Variants in GPR155 observed in about 807,000 individuals in gnomAD.
The protein encoded by GPR155 is lysosomal cholesterol signaling protein.
Under a neutral mutation model 93.1 loss-of-function variants are expected in GPR155, and 65 were observed. That is an observed-to-expected ratio of 0.70 (90% CI 0.57 to 0.86). The LOEUF is 0.86. GPR155 is among the 40% of genes least tolerant of loss of function. The probability of loss-of-function intolerance (pLI) is 0.00; values close to 1 mark genes in which losing one functional copy is unlikely to be tolerated. For synonymous variants in GPR155, 319 were observed against 360.1 expected (o/e 0.89, Z 1.29); for missense variants, 838 against 1,034.8 (o/e 0.81, Z 2.61).
At chr2:174,462,514 G>T (rs1366366835) in intron 7 of GPR155, among the ~76,000 whole-genome samples, 1 of 152,166 alleles carries the variant, frequency 6.6e-6, no homozygotes, top group African/African-American at 2.4e-5. Flanking sequence ...TCACCATGTT[G>T]CCCATGCTGG....
At chr2:174,447,129 G>A (rs1687155426) in intron 11 of GPR155, among the ~76,000 whole-genome samples, 1 of 151,606 alleles carries the variant, frequency 6.6e-6, no homozygotes, top group South Asian at 2.1e-4. Context: ...TTGAGATTAG[G>A]AGTTCAAGAC....
chr2:174,475,511 G>C (rs1197288809), intron 2 of GPR155, among the ~76,000 whole-genome samples: 3 of 151,340 alleles, frequency 2.0e-5, no homozygotes, highest in Non-Finnish European at 2.9e-5. Context: ...TTTTTTAACA[G>C]ATTCAATCCC....
At chr2:174,445,492 A>G in intron 12 of GPR155, 1 of 184,826 alleles carries the variant, frequency 5.4e-6, no homozygotes, top group Non-Finnish European at 1.1e-5. Context: ...ATTTAGTTCT[A>G]CACAATGAAA....
chr2:174,435,297 A>G lies in GPR155; in HGVS notation c.*819T>C, dbSNP rs1448967604. The G allele has an allele frequency of 6.6e-6, 1 of 152,166 alleles. No homozygotes were observed. The highest frequency in any genetic ancestry group is 1.5e-5 in the Non-Finnish European group (1 of 68,028). 9.4% of individuals were successfully genotyped at this position (152,166 alleles called of 1,614,324 possible). A position where few individuals can be genotyped will look rare whatever the true frequency, so the allele number is the denominator to read the frequency against. ...AACAATGGTTGCATCTGTAGTGAAC[A>G]TGTACAGACTGTTTTTCTTATTGTT... On this transcript the variant is annotated 3_prime_UTR_variant, in exon 16 of 16. Coordinates refer to ENST00000392552, the MANE Select transcript of GPR155 (RefSeq NM_152529.7).
chr2:174,442,931 C>A (rs1441640917), intron 13 of GPR155, among the ~76,000 whole-genome samples: 1 of 152,166 alleles, frequency 6.6e-6, no homozygotes, highest in African/African-American at 2.4e-5. Context: ...CTCCATTGAA[C>A]CACTTCGGCC....
chr2:174,453,166 C>T (rs973312568), intron 11 of GPR155, among the ~76,000 whole-genome samples: 1 of 152,220 alleles, frequency 6.6e-6, no homozygotes, highest in Non-Finnish European at 1.5e-5. Flanking sequence ...GGATTTGTCA[C>T]TTGGGTTAAA....
intron 11 of GPR155, among the ~76,000 whole-genome samples, chr2:174,448,523 GTTTT>G (rs200365350): frequency 9.7e-6 from 1 of 102,960 alleles, no homozygotes; most frequent in Non-Finnish European, 1.8e-5. Flanking sequence ...TTTGTTTTTT[GTTTT>G]TTGTTTTTTT....
chr2:174,452,618 G>A lies in GPR155; in HGVS notation c.1876+1119C>T, dbSNP rs528810413. 2.0e-5 allele frequency among the ~76,000 whole-genome samples: 3 copies of A among 152,050 alleles called. No homozygotes were observed. The South Asian group carries it at 6.2e-4, about 31-fold the overall frequency. On this transcript the variant is annotated intron_variant, in intron 11 of 15. Transcript: ENST00000392552. ...ATAATTTGAAATTTAGGCCACAAAT[G>A]TAATTCAGCCTCTTAGTCAAAAGGT...
chr2:174,441,917 ATT>A (rs34371550), intron 14 of GPR155, among the ~76,000 whole-genome samples, 200 bp downstream of exon 14: 2 of 146,598 alleles, frequency 1.4e-5, no homozygotes, highest in African/African-American at 2.5e-5. Flanking sequence ...TAATTTTTGT[ATT>A]TTTTTTTTTG....
chr2:174,463,657 C>T (rs1370142695), intron 7 of GPR155, among the ~76,000 whole-genome samples: 1 of 152,172 alleles, frequency 6.6e-6, no homozygotes, highest in East Asian at 1.9e-4. Context: ...GGCAAAAAAG[C>T]CATAGCAGTG....
Position 174,432,231 on chromosome 2 carries a change from T to A in GPR155, c.*3885A>T, listed in dbSNP as rs1559090211. The stretch of plus-strand genomic sequence containing the variant: ...ATTCAGATTACTCAAAGAAAAGATG[T>A]CAGTAATGCAAGTTAAAATAGGTAT... On this transcript the variant is annotated 3_prime_UTR_variant, in exon 16 of 16. Coordinates refer to ENST00000392552, the MANE Select transcript of GPR155 (RefSeq NM_152529.7). 1.3e-5 allele frequency: 2 copies of A among 152,628 alleles called. No homozygotes were observed. Among genetic ancestry groups the A allele is most frequent in the Non-Finnish European group, 2.9e-5 (2 of 68,036 alleles). 9.5% of individuals were successfully genotyped at this position (152,628 alleles called of 1,614,324 possible). A position where few individuals can be genotyped will look rare whatever the true frequency, so the allele number is the denominator to read the frequency against.
chr2:174,440,859 T>TA (rs574531332), intron 14 of GPR155, among the ~76,000 whole-genome samples: 70 of 152,238 alleles, frequency 4.6e-4, no homozygotes, highest in South Asian at 1.9e-3. Context: ...ACTAAGCTGA[T>TA]AAAAAAACCA....
At position 174,481,686 on chromosome 2, in the gene GPR155, C is replaced by T; in HGVS notation, c.271G>A (p.Val91Ile). ...ALPALLFKNM[V>I]VLNFSNVDWS... ...TCCACATTGGAAAAATTAAGTACAA[C>T]CATGTTTTTGAATAATAAAGCTGGA... Residue 91 changes from valine to isoleucine, a missense_variant, in exon 2 of 16, where the codon GTT (valine) becomes ATT (isoleucine). Val to Ile is a conservative substitution (Grantham distance 29). Around this residue, in one of 3 missense-constraint regions of GPR155, gnomAD observed 663 missense variants for 790.1 expected, o/e 0.84. Transcript: ENST00000392552. 6.2e-7 allele frequency: 1 copy of T among 1,614,050 alleles called. No homozygotes were observed. The highest frequency in any genetic ancestry group is 8.5e-7 in the Non-Finnish European group (1 of 1,179,942).
chr2:174,481,787 T>C lies in GPR155; in HGVS notation c.170A>G (p.Tyr57Cys). 6.2e-7 allele frequency: 1 copy of C among 1,614,220 alleles called. No individual in the cohort carries two copies. The highest frequency in any genetic ancestry group is 1.3e-5 in the African/African-American group (1 of 75,060). The part of the protein sequence containing the change: ...LECFGIVLCG[Y>C]IAGRANVITS... The stretch of plus-strand genomic sequence containing the variant: ...TATGACATTGGCCCTTCCTGCTATG[T>C]AGCCACAAAGGACAATGCCAAAGCA... Residue 57 changes from tyrosine (Y) to cysteine (C), a missense_variant, in exon 2 of 16, where the codon TAC (tyrosine) becomes TGC (cysteine). Around this residue, in one of 3 missense-constraint regions of GPR155, gnomAD observed 663 missense variants for 790.1 expected, o/e 0.84. Transcript: ENST00000392552.
chr2:174,448,509 G>GTTT (rs1687210836), intron 11 of GPR155, among the ~76,000 whole-genome samples: 1 of 133,562 alleles, frequency 7.5e-6, no homozygotes, highest in African/African-American at 2.8e-5. Context: ...ATACTGGGAA[G>GTTT]TTTTTTGTTT....
chr2:174,446,788 T>C (rs1247364881), intron 11 of GPR155, 41 bp from the exon 12 acceptor site: 1 of 1,587,116 alleles, frequency 6.3e-7, no homozygotes, highest in Non-Finnish European at 8.6e-7. Flanking sequence ...TCAGAGCTTT[T>C]TATCTAAATG....
Position 174,435,887 on chromosome 2 carries a change from C to G in GPR155, c.*229G>C, listed in dbSNP as rs1686764422. The G allele has an allele frequency of 5.9e-6, 3 of 507,056 alleles. No homozygotes were observed. Among genetic ancestry groups the G allele is most frequent in the Admixed American group, 6.9e-5 (2 of 28,936 alleles). The allele number at this position is 507,056 out of a possible 1,614,324, so 31.4% of individuals were successfully genotyped here. On this transcript the variant is annotated 3_prime_UTR_variant, in exon 16 of 16. Coordinates refer to ENST00000392552, the MANE Select transcript of GPR155 (RefSeq NM_152529.7). ...GACTATATTATATTCATTATCAGAACTTTAATTTGGTTTTCTCTTTTTCCT... is the reference window on the plus strand; with the variant it reads ...GACTATATTATATTCATTATCAGAAGTTTAATTTGGTTTTCTCTTTTTCCT...
rs149506277 is a variant in GPR155 at position 174,466,282 on chromosome 2, A to G, written c.1266+262T>C. ...AGAAAAATGATTGTGAAAGAGTTCA[A>G]TTATTAATGATTAAATTGTTTCTAT... On this transcript the variant is annotated intron_variant, in intron 6 of 15. Coordinates refer to ENST00000392552, the MANE Select transcript of GPR155 (RefSeq NM_152529.7). 1.1e-4 allele frequency among the ~76,000 whole-genome samples: 16 copies of G among 152,312 alleles called. 1 individual carries two copies. In the East Asian group the frequency reaches 3.1e-3, roughly 29 times the overall value.
In GPR155 at chr2:174,433,983, CAG is replaced by C. The variant is rs1559091530; in HGVS notation, c.*2131_*2132del. ...AGAATTTTTTTTTTTTTTTCTGAGA[CAG>C]AGTCTCACTCTGACACTCAGGCTGG... is the stretch of plus-strand genomic sequence containing the variant. On this transcript the variant is annotated 3_prime_UTR_variant, in exon 16 of 16. Transcript: ENST00000392552. 1 of 148,704 alleles carries C rather than the reference CAG, an allele frequency of 6.7e-6. No homozygotes were observed. Among genetic ancestry groups the C allele is most frequent in the Middle Eastern group, 3.5e-3 (1 of 282 alleles). 9.2% of individuals were successfully genotyped at this position (148,704 alleles called of 1,614,324 possible).
Sources: gnomAD v4.1 joint callset for allele counts (sites outside exome capture counted in the v4.1 genomes callset) on GRCh38, gnomAD v4.1.1 for gene constraint, gnomAD v4.1.1 regional missense constraint, MANE v1.5 for transcripts, NCBI Gene and HGNC (gene_info 2026-07-23, HGNC 2026-07-21) for gene names.